The following MACROD2 variants were observed in gnomAD, a reference collection of about 807,000 sequenced individuals.
MACROD2 encodes ADP-ribose glycohydrolase MACROD2.
In MACROD2, 36 loss-of-function variants were observed where a neutral mutation model predicts 70.4. That is an observed-to-expected ratio of 0.51 (90% confidence interval 0.39 to 0.68). The LOEUF (loss-of-function observed/expected upper bound fraction) is 0.68, where lower values mean the gene tolerates loss of function less well. Ranked by LOEUF, MACROD2 falls within the 30% of genes least tolerant of loss-of-function variation. The pLI, the probability that MACROD2 is intolerant of heterozygous loss-of-function variation, is 0.00. For missense variants in MACROD2, 496 were observed against 538.4 expected (o/e 0.92, Z 0.78); for synonymous variants, 172 against 178.8 (o/e 0.96, Z 0.30).
At chr20:15,293,695 C>A (rs568785558) in intron 6 of MACROD2, among the ~76,000 whole-genome samples, 1 of 152,274 alleles carries the variant, frequency 6.6e-6, no homozygotes, top group South Asian at 2.1e-4. Flanking sequence ...ACCTTGTAGG[C>A]CCCAGGGAAA....
At chr20:14,507,708 A>G (rs977238085) in intron 4 of MACROD2, among the ~76,000 whole-genome samples, 1 of 152,212 alleles carries the variant, frequency 6.6e-6, no homozygotes, top group Admixed American at 6.5e-5. Flanking sequence ...GGAAAGTGCC[A>G]CAACAATGAA....
chr20:14,061,856 T>C (rs566532244), intron 2 of MACROD2, among the ~76,000 whole-genome samples: 1 of 152,256 alleles, frequency 6.6e-6, no homozygotes, highest in African/African-American at 2.4e-5. Context: ...GCTTCTGATA[T>C]TAAAATTATG....
chr20:15,898,058 C>T (rs1417615938), intron 10 of MACROD2, among the ~76,000 whole-genome samples: 2 of 152,130 alleles, frequency 1.3e-5, no homozygotes, highest in Non-Finnish European at 2.9e-5. Context: ...GTCCTTAAAC[C>T]CATGTTAGTC....
intron 15 of MACROD2, among the ~76,000 whole-genome samples, chr20:16,004,414 G>A (rs899498117): frequency 1.3e-5 from 2 of 152,166 alleles, no homozygotes; most frequent in Non-Finnish European, 2.9e-5. Context: ...AGCATATATT[G>A]GAGTTGTGTA....
chr20:15,798,038 T>C (rs1456294474), intron 8 of MACROD2, among the ~76,000 whole-genome samples: 1 of 152,252 alleles, frequency 6.6e-6, no homozygotes, highest in African/African-American at 2.4e-5. Flanking sequence ...AGACATTTCA[T>C]GAATGAATGA....
chr20:14,403,204 C>T (rs935905613), intron 3 of MACROD2, among the ~76,000 whole-genome samples: 14 of 152,086 alleles, frequency 9.2e-5, no homozygotes, highest in Admixed American at 2.0e-4. Context: ...GGTCCATAAA[C>T]AATGCTTATT....
chr20:15,389,324 G>A (rs1319713028), intron 6 of MACROD2, among the ~76,000 whole-genome samples: 1 of 152,198 alleles, frequency 6.6e-6, no homozygotes, highest in Admixed American at 6.5e-5. Flanking sequence ...GATCCAGGAT[G>A]ATCCTATGTG....
intron 13 of MACROD2, among the ~76,000 whole-genome samples, chr20:15,968,056 C>G (rs982708126): frequency 7.9e-5 from 12 of 152,076 alleles, no homozygotes; most frequent in Non-Finnish European, 2.9e-5. Flanking sequence ...AGAAAAATAA[C>G]AGAAAATAAT....
At chr20:14,924,937 G>A (rs537195726) in intron 5 of MACROD2, among the ~76,000 whole-genome samples, 8 of 151,970 alleles carry the variant, frequency 5.3e-5, no homozygotes, top group Non-Finnish European at 7.4e-5. Flanking sequence ...TTTTATTCCC[G>A]ATTGCCTTGC....
intron 5 of MACROD2, chr20:14,892,774 G>A (rs1033137397): frequency 2.6e-5 from 4 of 152,196 alleles, no homozygotes; most frequent in African/African-American, 9.6e-5. Flanking sequence ...TGCCTCCTGG[G>A]CTCAAGTAAT....
At chr20:15,311,679 A>G (rs1170713189) in intron 6 of MACROD2, among the ~76,000 whole-genome samples, 1 of 152,202 alleles carries the variant, frequency 6.6e-6, no homozygotes, top group Non-Finnish European at 1.5e-5. Context: ...GTATTAACTC[A>G]GTTACAGAAA....
chr20:14,694,055 T>TA (rs2071092490), intron 5 of MACROD2, among the ~76,000 whole-genome samples: 1 of 152,176 alleles, frequency 6.6e-6, no homozygotes, highest in African/African-American at 2.4e-5. Context: ...GCTTAGGTCC[T>TA]AGCAGAGAGA....
intron 8 of MACROD2, among the ~76,000 whole-genome samples, chr20:15,575,723 G>A (rs962289045): frequency 2.6e-5 from 4 of 152,100 alleles, no homozygotes; most frequent in Non-Finnish European, 5.9e-5. Context: ...CCTGAGAAAA[G>A]AGCACATAAG....
chr20:15,820,430 G>A (rs535335138), intron 8 of MACROD2, among the ~76,000 whole-genome samples: 5 of 152,100 alleles, frequency 3.3e-5, no homozygotes, highest in South Asian at 2.1e-4. Context: ...GGGCTCAAGC[G>A]ATCCTTCCTC....
At chr20:15,987,743 C>T (rs1322875261) in intron 15 of MACROD2, among the ~76,000 whole-genome samples, 1 of 151,800 alleles carries the variant, frequency 6.6e-6, no homozygotes, top group African/African-American at 2.4e-5. Context: ...GGCAAAAAGC[C>T]AATGTATTGG....
intron 4 of MACROD2, among the ~76,000 whole-genome samples, chr20:14,675,097 TG>T (rs896582964): frequency 9.9e-5 from 15 of 152,132 alleles, no homozygotes; most frequent in African/African-American, 3.6e-4. Context: ...CTGAAAGTGA[TG>T]GGGAGAATAG....
intron 3 of MACROD2, among the ~76,000 whole-genome samples, chr20:14,211,654 T>A (rs1450738552): frequency 6.6e-6 from 1 of 152,218 alleles, no homozygotes; most frequent in African/African-American, 2.4e-5. Flanking sequence ...CCGATGGAAG[T>A]CACTGGCGAG....
At chr20:14,901,235 G>T (rs1328833284) in intron 5 of MACROD2, among the ~76,000 whole-genome samples, 7 of 151,890 alleles carry the variant, frequency 4.6e-5, no homozygotes, top group Admixed American at 4.6e-4. Context: ...ATAGTACTTA[G>T]CATTAGACAA....
rs1464321636 is a variant in MACROD2 at position 15,775,100 on chromosome 20, G to A, written c.646-87645G>A. 1.3e-5 allele frequency among the ~76,000 whole-genome samples: 2 copies of A among 152,066 alleles called. 1 individual carries two copies. The highest frequency in any genetic ancestry group is 2.9e-5 in the Non-Finnish European group (2 of 68,014). On this transcript the variant is annotated intron_variant, in intron 8 of 17. Coordinates refer to ENST00000684519, the MANE Select transcript of MACROD2 (RefSeq NM_001351661.2). ...AGACACTTTGAGGGAGGGGCAAAGGGAACAGGAATTTATGCTGAGCTAGTG... is the reference window on the plus strand; with the variant it reads ...AGACACTTTGAGGGAGGGGCAAAGGAAACAGGAATTTATGCTGAGCTAGTG...
Sources: allele counts gnomAD v4.1 joint callset (sites outside exome capture counted in the v4.1 genomes callset), GRCh38; gene constraint gnomAD v4.1.1; transcripts MANE v1.5; gene names NCBI Gene and HGNC (gene_info 2026-07-23, HGNC 2026-07-21).